MAGI1: variants seen among roughly 807,000 people sequenced by gnomAD.
MAGI1 encodes membrane associated guanylate kinase, WW and PDZ domain containing 1.
Under a neutral mutation model 139.9 loss-of-function variants are expected in MAGI1, and 58 were observed. That is an observed-to-expected ratio of 0.41 (90% confidence interval 0.34 to 0.52). The LOEUF is 0.52. MAGI1 is among the 20% of genes least tolerant of loss of function. The pLI, the probability that MAGI1 is intolerant of heterozygous loss-of-function variation, is 0.12. For synonymous variants in MAGI1, 812 were observed against 737.9 expected (o/e 1.10, Z -1.63); for missense variants, 1,874 against 1,901.6 (o/e 0.99, Z 0.27).
chr3:65,978,221 T>C (rs1438137246), intron 1 of MAGI1, among the ~76,000 whole-genome samples: 2 of 152,182 alleles, frequency 1.3e-5, no homozygotes, highest in East Asian at 3.8e-4. Context: ...GTAAGAATAT[T>C]ATCCTCCTCT....
At chr3:65,996,337 T>C (rs954802905) in intron 1 of MAGI1, among the ~76,000 whole-genome samples, 7 of 152,208 alleles carry the variant, frequency 4.6e-5, no homozygotes, top group Admixed American at 1.3e-4. Flanking sequence ...TGTCTTTTTA[T>C]ACTGCACCTA....
intron 2 of MAGI1, among the ~76,000 whole-genome samples, chr3:65,579,083 T>C (rs189392096): frequency 5.3e-5 from 8 of 152,172 alleles, no homozygotes; most frequent in Non-Finnish European, 1.0e-4. Context: ...AGAAAGAAGA[T>C]TGGATAATTA....
At chr3:65,942,782 A>G (rs1393358938) in intron 1 of MAGI1, among the ~76,000 whole-genome samples, 1 of 152,194 alleles carries the variant, frequency 6.6e-6, no homozygotes, top group African/African-American at 2.4e-5. Context: ...CTTTAGTAGG[A>G]GGCCAAACCA....
chr3:65,629,987 G>A lies in MAGI1; in HGVS notation c.314-7899C>T, dbSNP rs180702472. On this transcript the variant is annotated intron_variant, in intron 1 of 22. Transcript: ENST00000402939. ...AAAAAGCAATATGAATTAATCACAA[G>A]ATTTTAAAAATACACAAACGTACAA... Among the ~76,000 whole-genome samples, 14 of 152,208 alleles carry A rather than the reference G, an allele frequency of 9.2e-5. No homozygotes were observed. In the East Asian group the frequency reaches 2.7e-3, roughly 29 times the overall value.
chr3:65,456,349 T>C (rs1003181780), intron 5 of MAGI1, among the ~76,000 whole-genome samples: 1 of 152,134 alleles, frequency 6.6e-6, no homozygotes, highest in Non-Finnish European at 1.5e-5. Context: ...GTCCCTCTCT[T>C]TAGTTCACAT....
intron 1 of MAGI1, among the ~76,000 whole-genome samples, chr3:65,770,641 T>C (rs536919056): frequency 6.6e-6 from 1 of 152,304 alleles, no homozygotes; most frequent in South Asian, 2.1e-4. Flanking sequence ...AGAAAAATAT[T>C]AGATGTTTGC....
At chr3:65,433,037 C>G (rs1262395257) in intron 10 of MAGI1, among the ~76,000 whole-genome samples, 1 of 152,042 alleles carries the variant, frequency 6.6e-6, no homozygotes, top group Non-Finnish European at 1.5e-5. Context: ...CTATCCCCAA[C>G]TCCCATGCAT....
chr3:65,517,936 G>T (rs1315021835), intron 2 of MAGI1, among the ~76,000 whole-genome samples: 2 of 152,060 alleles, frequency 1.3e-5, no homozygotes, highest in African/African-American at 2.4e-5. Context: ...TTCTTGACTG[G>T]ATCCCAAATG....
chr3:65,981,553 T>C (rs1488044117), intron 1 of MAGI1, among the ~76,000 whole-genome samples: 4 of 152,214 alleles, frequency 2.6e-5, no homozygotes. Context: ...CTGTATTAGA[T>C]ATATGTGGTT....
At chr3:65,871,638 C>T (rs2059942911) in intron 1 of MAGI1, among the ~76,000 whole-genome samples, 2 of 152,126 alleles carry the variant, frequency 1.3e-5, no homozygotes, top group East Asian at 1.9e-4. Context: ...GGAAGGAACA[C>T]GCAGGCTCAG....
chr3:65,978,896 G>T (rs1167128034), intron 1 of MAGI1, among the ~76,000 whole-genome samples: 1 of 151,940 alleles, frequency 6.6e-6, no homozygotes, highest in African/African-American at 2.4e-5. Context: ...CAAAGTGCTG[G>T]GATTACAGGT....
chr3:65,707,717 A>G (rs1300953235), intron 1 of MAGI1, among the ~76,000 whole-genome samples: 1 of 151,110 alleles, frequency 6.6e-6, no homozygotes, highest in African/African-American at 2.4e-5. Flanking sequence ...AAAAGTTGGC[A>G]AAAGAATCCC....
chr3:65,442,719 G>A, intron 8 of MAGI1, 73 bp downstream of exon 8: 1 of 1,070,174 alleles, frequency 9.3e-7, no homozygotes, highest in Non-Finnish European at 1.4e-6. Context: ...ATGATGTCAG[G>A]CTGTACTTAA....
chr3:65,363,700 T>TC (rs1353228870), intron 20 of MAGI1, 92 bp from the exon 21 acceptor site: 3 of 1,052,686 alleles, frequency 2.8e-6, no homozygotes, highest in Non-Finnish European at 4.1e-6. Context: ...ACAATCTCTA[T>TC]CCCCCTCTTG....
intron 1 of MAGI1, among the ~76,000 whole-genome samples, chr3:65,962,373 G>A (rs889045260): frequency 2.6e-4 from 39 of 151,318 alleles, no homozygotes; most frequent in African/African-American, 8.5e-4. Flanking sequence ...CACCCGCCTC[G>A]GCCTCCCAAA....
intron 1 of MAGI1, among the ~76,000 whole-genome samples, chr3:65,824,697 C>A (rs1267764972): frequency 1.3e-5 from 2 of 152,192 alleles, no homozygotes; most frequent in Non-Finnish European, 2.9e-5. Flanking sequence ...TGCCTAAATA[C>A]CTTCTACATC....
intron 9 of MAGI1, among the ~76,000 whole-genome samples, chr3:65,437,888 T>C (rs1947960463): frequency 2.0e-5 from 3 of 152,114 alleles, no homozygotes; most frequent in Non-Finnish European, 4.4e-5. Context: ...TCAGGAAAGA[T>C]ACATTAAAAA....
chr3:65,852,449 A>C (rs2108398957), intron 1 of MAGI1, among the ~76,000 whole-genome samples: 1 of 152,024 alleles, frequency 6.6e-6, no homozygotes, highest in South Asian at 2.1e-4. Flanking sequence ...AGACGTGCGT[A>C]TATACACACA....
intron 5 of MAGI1, among the ~76,000 whole-genome samples, chr3:65,459,369 G>T (rs1473237769): frequency 6.6e-6 from 1 of 152,144 alleles, no homozygotes; most frequent in East Asian, 1.9e-4. Context: ...GGATTGCATT[G>T]AATGTGTAGA....
Sources: allele counts gnomAD v4.1 joint callset (sites outside exome capture counted in the v4.1 genomes callset), GRCh38; gene constraint gnomAD v4.1.1; transcripts MANE v1.5; gene names NCBI Gene and HGNC (gene_info 2026-07-23, HGNC 2026-07-21).